GNG3: variants seen among roughly 807,000 people sequenced by gnomAD.
The protein encoded by GNG3 is G protein subunit gamma 3.
Under a neutral mutation model 5.6 loss-of-function variants are expected in GNG3, and 4 were observed. The observed-to-expected ratio is 0.71, with a 90% CI of 0.35 to 1.63. GNG3 has a LOEUF of 1.63. GNG3 is among the 40% of genes most tolerant of loss of function. GNG3 has a pLI of 0.05. For synonymous variants in GNG3, 30 were observed against 33.5 expected (o/e 0.89, Z 0.36); for missense variants, 62 against 96.6 (o/e 0.64, Z 1.50).
upstream of GNG3, chr11:62,707,575 C>G (rs1416485281): frequency 6.9e-6 from 4 of 581,532 alleles, no homozygotes; most frequent in African/African-American, 5.6e-5. Flanking sequence ...GGGGGAGGGG[C>G]AGGCAGTGAA....
At chr11:62,706,813 G>T, upstream of GNG3, 1 of 587,346 alleles carries the variant, frequency 1.7e-6, no homozygotes. Context: ...CAGCGTGGTA[G>T]CATTGTGGAC....
chr11:62,707,038 C>T (rs998334459), upstream of GNG3: 1 of 1,333,718 alleles, frequency 7.5e-7, no homozygotes, highest in African/African-American at 1.5e-5. Context: ...CAATCCATCC[C>T]CCCGCCCCCT....
At position 62,708,815 on chromosome 11, in the gene GNG3, G is replaced by A. The variant is rs2083585669; in HGVS notation, c.*9G>A. 6.2e-7 allele frequency: 1 copy of A among 1,608,942 alleles called. No individual in the cohort carries two copies. The highest frequency in any genetic ancestry group is 8.5e-7 in the Non-Finnish European group (1 of 1,175,764). The stretch of plus-strand genomic sequence containing the variant: ...TCTGTGCTCTCCTCTGAGCTCCCCT[G>A]TCCCTTCTCACAACTCCTCCCTTTT... On this transcript the variant is annotated 3_prime_UTR_variant, in exon 3 of 3. Transcript: ENST00000294117.
upstream of GNG3, chr11:62,706,607 G>A (rs777993780): frequency 2.8e-5 from 13 of 470,388 alleles, no homozygotes; most frequent in Non-Finnish European, 5.3e-5. Flanking sequence ...AGCCCTCCGT[G>A]CACACCTTCA....
upstream of GNG3, chr11:62,706,816 T>C (rs2083548369): frequency 1.5e-5 from 9 of 587,868 alleles, no homozygotes; most frequent in South Asian, 1.2e-4. Context: ...CGTGGTAGCA[T>C]TGTGGACCTC....
At chr11:62,706,483 C>CGCA (rs2083540598), upstream of GNG3, 1 of 398,234 alleles carries the variant, frequency 2.5e-6, no homozygotes, top group African/African-American at 2.1e-5. Flanking sequence ...GGTTTCCCTC[C>CGCA]GGTTACCGTG....
chr11:62,708,476 CG>C, intron 2 of GNG3, 82 bp downstream of exon 2: 1 of 1,243,696 alleles, frequency 8.0e-7, no homozygotes, highest in Non-Finnish European at 1.2e-6. Flanking sequence ...ATAAGAGATG[CG>C]TTCTTTCCTT....
rs2083587773 is a variant in GNG3, at chr11:62,708,950, C to G, written c.*144C>G. On this transcript the variant is annotated 3_prime_UTR_variant, in exon 3 of 3. Coordinates refer to ENST00000294117, the MANE Select transcript of GNG3 (RefSeq NM_012202.5). ...ATGTGAGGTTATCTGAAGCACAAGG[C>G]CCACCCTCACCTATCTGTCGACCCC... 1.4e-6 allele frequency: 1 copy of G among 694,832 alleles called. No homozygotes were observed. Among genetic ancestry groups the G allele is most frequent in the Non-Finnish European group, 2.6e-6 (1 of 391,680 alleles). 43.0% of individuals were successfully genotyped at this position (694,832 alleles called of 1,614,324 possible).
upstream of GNG3, chr11:62,707,547 A>G (rs2083563322): frequency 1.7e-6 from 1 of 598,114 alleles, no homozygotes; most frequent in Non-Finnish European, 3.0e-6. Context: ...TCTAGCCCAG[A>G]GTCAGGATGC....
chr11:62,707,692 T>A lies in GNG3; in HGVS notation c.-225T>A, dbSNP rs2083565765. ...GAGCAGCTCCTTCTAGCATCCTTCA[T>A]CCTTCAGGTACCAGCCATCCAGACA... On this transcript the variant is annotated 5_prime_UTR_variant, in exon 1 of 3. Transcript: ENST00000294117. 2.7e-6 allele frequency: 1 copy of A among 372,322 alleles called. No homozygotes were observed. Among genetic ancestry groups the A allele is most frequent in the Non-Finnish European group, 5.1e-6 (1 of 195,328 alleles). The allele number at this position is 372,322 out of a possible 1,614,324, so 23.1% of individuals were successfully genotyped here. A position where few individuals can be genotyped will look rare whatever the true frequency, so the allele number is the denominator to read the frequency against.
At chr11:62,707,157 C>T (rs972174728), upstream of GNG3, 32 of 1,554,498 alleles carry the variant, frequency 2.1e-5, no homozygotes, top group Non-Finnish European at 2.7e-5. Context: ...CCTCTTTTTC[C>T]CCAGCTTCCT....
Position 62,708,362 on chromosome 11 carries a change from C to G in GNG3, c.67C>G (p.Leu23Val). Reference protein sequence around the residue: ...IGQARKMVEQLKIEASLCRIK... With the variant: ...IGQARKMVEQVKIEASLCRIK... ...GCAAGCACGCAAGATGGTGGAACAGCTTAAGATTGAAGCCAGCTTGTGTCG... is the reference window on the plus strand; with the variant it reads ...GCAAGCACGCAAGATGGTGGAACAGGTTAAGATTGAAGCCAGCTTGTGTCG... Residue 23 changes from leucine to valine, a missense_variant, in exon 2 of 3, where the codon CTT (leucine) becomes GTT (valine). Around this residue, in one of 2 missense-constraint regions of GNG3, gnomAD observed 58 missense variants for 75.4 expected, o/e 0.77. Coordinates refer to ENST00000294117, the MANE Select transcript of GNG3 (RefSeq NM_012202.5). The G allele has an allele frequency of 6.2e-7, 1 of 1,613,430 alleles. No individual in the cohort carries two copies. Among genetic ancestry groups the G allele is most frequent in the Non-Finnish European group, 8.5e-7 (1 of 1,179,350 alleles).
At chr11:62,706,567 C>T, upstream of GNG3, 1 of 465,114 alleles carries the variant, frequency 2.2e-6, no homozygotes, top group South Asian at 1.6e-5. Context: ...CTGCAGCCTC[C>T]GCTCGGCTCT....
chr11:62,708,833 T>G lies in GNG3; in HGVS notation c.*27T>G, dbSNP rs2083586091. ...CTCCCCTGTCCCTTCTCACAACTCC[T>G]CCCTTTTCCCTCTCCTGGGCCCTTC... On this transcript the variant is annotated 3_prime_UTR_variant, in exon 3 of 3. Transcript: ENST00000294117. 4 of 1,563,290 alleles carry G rather than the reference T, an allele frequency of 2.6e-6. No individual in the cohort carries two copies. Among genetic ancestry groups the G allele is most frequent in the Non-Finnish European group, 3.5e-6 (4 of 1,135,068 alleles).
intron 2 of GNG3, 62 bp downstream of exon 2, chr11:62,708,456 A>T: frequency 7.5e-7 from 1 of 1,330,816 alleles, no homozygotes; most frequent in Non-Finnish European, 1.1e-6. Flanking sequence ...GCAGGTTCCC[A>T]AAGCTCAAGA....
In GNG3 at chr11:62,708,312, C is replaced by T. The variant is rs754617907; in HGVS notation, c.17C>T (p.Pro6Leu). 6 of 1,611,638 alleles carry T rather than the reference C, an allele frequency of 3.7e-6. No individual in the cohort carries two copies. The highest frequency in any genetic ancestry group is 2.2e-5 in the South Asian group (2 of 91,056). The change falls in exon 2 of 3, where the codon CCG (proline) becomes CTG (leucine). Residue 6 changes from proline (P) to leucine (L), a missense_variant. Pro to Leu is a moderately conservative substitution (Grantham distance 98, BLOSUM62 -3). Coordinates refer to ENST00000294117, the MANE Select transcript of GNG3 (RefSeq NM_012202.5). ...TTTTCCAGGATGAAAGGTGAGACCC[C>T]GGTGAACAGCACTATGAGTATTGGG... The part of the protein sequence containing the change: MKGET[P>L]VNSTMSIGQA...
chr11:62,708,524 TAG>T (rs962972901), intron 2 of GNG3, 130 bp downstream of exon 2: 2 of 1,248,066 alleles, frequency 1.6e-6, no homozygotes, highest in African/African-American at 3.0e-5. Context: ...TGGGGCTCTG[TAG>T]AGAGAGCTGT....
intron 2 of GNG3, 83 bp from the exon 3 acceptor site, chr11:62,708,595 C>A: frequency 6.3e-7 from 1 of 1,575,948 alleles, no homozygotes; most frequent in Non-Finnish European, 8.6e-7. Flanking sequence ...CTGGAGATGG[C>A]AAAAGAGAAC....
rs2083585466 is a variant in GNG3 at position 62,708,807 on chromosome 11, G to A, written c.*1G>A. ...GAAGTTCTTCTGTGCTCTCCTCTGA[G>A]CTCCCCTGTCCCTTCTCACAACTCC... On this transcript the variant is annotated 3_prime_UTR_variant, in exon 3 of 3. Transcript: ENST00000294117. The A allele has an allele frequency of 6.2e-7, 1 of 1,612,142 alleles. No individual in the cohort carries two copies. Among genetic ancestry groups the A allele is most frequent in the Non-Finnish European group, 8.5e-7 (1 of 1,178,380 alleles).
Sources: gnomAD v4.1 joint callset for allele counts on GRCh38, gnomAD v4.1.1 for gene constraint, gnomAD v4.1.1 regional missense constraint, MANE v1.5 for transcripts, NCBI Gene and HGNC (gene_info 2026-07-23, HGNC 2026-07-21) for gene names.